GNAS: variants seen among roughly 807,000 people sequenced by gnomAD.
GNAS encodes GNAS complex locus, also known as protein ALEX.
GNAS carries 8 observed loss-of-function variants against 54.5 expected under a neutral mutation model. The observed-to-expected ratio is 0.15, with a 90% confidence interval of 0.09 to 0.26. GNAS has a LOEUF of 0.26. Ranked by LOEUF, GNAS falls within the 10% of genes least tolerant of loss-of-function variation. The pLI, the probability that GNAS is intolerant of heterozygous loss-of-function variation, is 1.00. For missense variants in GNAS, 170 were observed against 529.8 expected, an observed-to-expected ratio of 0.32 and a Z score of 6.67; for synonymous variants, 204 against 191.4, an observed-to-expected ratio of 1.07 and a Z score of -0.54.
At chr20:58,891,949 C>G (rs1228077125) in intron 1 of GNAS, 84 bp downstream of exon 1, 2 of 844,386 alleles carry the variant, frequency 2.4e-6, no homozygotes, top group Non-Finnish European at 2.8e-6. Flanking sequence ...GCCCGCCCCC[C>G]GCCCCGGGCG....
intron 1 of GNAS, among the ~76,000 whole-genome samples, chr20:58,894,297 G>A (rs761178317): frequency 1.1e-4 from 17 of 152,116 alleles, no homozygotes; most frequent in Non-Finnish European, 1.9e-4. Flanking sequence ...TAAATATTAC[G>A]TATTGTTTCC....
rs372108212 is a variant in GNAS at position 58,909,125 on chromosome 20, G to T, written c.531-37G>T. Reference sequence around the variant, plus strand: ...AAATAGTTGGCAAATTGATGTGAGCGCTGTGAACACCCCACGTGTCTTTCT... The same window carrying T: ...AAATAGTTGGCAAATTGATGTGAGCTCTGTGAACACCCCACGTGTCTTTCT... On this transcript the variant is annotated intron_variant, in intron 6 of 12. Transcript: ENST00000371085. This position sits in a 1 kb window ranked among gnomAD's most constrained non-coding sequence, Gnocchi z 7.3. The T allele has an allele frequency of 2.0e-5, 31 of 1,579,876 alleles. No homozygotes were observed. The highest frequency in any genetic ancestry group is 2.6e-5 in the Non-Finnish European group (30 of 1,148,968).
chr20:58,893,073 T>TC (rs2089654101), intron 1 of GNAS, among the ~76,000 whole-genome samples: 1 of 62,340 alleles, frequency 1.6e-5, no homozygotes, highest in African/African-American at 3.7e-5. Flanking sequence ...TTTCTTTTTT[T>TC]TTTTTTTTTT....
chr20:58,853,591 C>T lies in GNAS; in HGVS notation c.43+12705C>T. ...GCAATGCCCTTCGAGGCTGAACAGCCCAGCTTGGGAGGCTTCTGGCCTACA... is the reference window on the plus strand; with the variant it reads ...GCAATGCCCTTCGAGGCTGAACAGCTCAGCTTGGGAGGCTTCTGGCCTACA... On this transcript the variant is annotated intron_variant, in intron 1 of 12. Coordinates refer to the GNAS transcript ENST00000306090. The surrounding 1 kb of genome is among the most constrained non-coding windows in gnomAD (Gnocchi z 4.4). 5 of 1,613,318 alleles carry T rather than the reference C, an allele frequency of 3.1e-6. No homozygotes were observed. The highest frequency in any genetic ancestry group is 4.2e-6 in the Non-Finnish European group (5 of 1,179,876).
chr20:58,889,473 T>A, upstream of GNAS: 1 of 386,394 alleles, frequency 2.6e-6, no homozygotes, highest in Non-Finnish European at 3.5e-6. Context: ...CCGGGGCGCC[T>A]CCGGGCACCC....
intron 2 of GNAS, chr20:58,898,645 T>C (rs139478039): frequency 2.7e-4 from 146 of 542,876 alleles, no homozygotes; most frequent in African/African-American, 2.6e-3. Flanking sequence ...GTACGTTTAG[T>C]GAAAGCACAA....
Position 58,909,709 on chromosome 20 carries a change from G to A in GNAS, c.744G>A (p.Val248=). Residue 248 remains valine, a synonymous_variant, in exon 10 of 13, where the codon GTG becomes GTA. Transcript: ENST00000371085. The surrounding 1 kb of genome is among the most constrained non-coding windows in gnomAD (Gnocchi z 7.3). ...FNDVTAIIFV[V]ASSSYNMVIR... is the part of the protein sequence containing the mutation. ...ATGTGACTGCCATCATCTTCGTGGT[G>A]GCCAGCAGCAGCTACAACATGGTCA... 2 of 1,614,138 alleles carry A rather than the reference G, an allele frequency of 1.2e-6. No individual in the cohort carries two copies. Among genetic ancestry groups the A allele is most frequent in the Non-Finnish European group, 1.7e-6 (2 of 1,179,994 alleles).
intron 1 of GNAS, among the ~76,000 whole-genome samples, chr20:58,878,912 T>TGGGG (rs11086659): frequency 8.4e-5 from 8 of 95,360 alleles, no homozygotes; most frequent in East Asian, 6.1e-4. Flanking sequence ...GGGGTGCGGG[T>TGGGG]GGGGGGGGGA....
chr20:58,896,659 A>G (rs2090090249), intron 2 of GNAS, among the ~76,000 whole-genome samples: 1 of 152,080 alleles, frequency 6.6e-6, no homozygotes, highest in Non-Finnish European at 1.5e-5. Context: ...AAAACAAAAA[A>G]ACTAAGTTGA....
chr20:58,840,209 C>T, upstream of GNAS: 1 of 1,611,230 alleles, frequency 6.2e-7, no homozygotes, highest in Non-Finnish European at 8.5e-7. This position sits in a 1 kb window ranked among gnomAD's most constrained non-coding sequence, Gnocchi z 6.0. Flanking sequence ...GCTCCTCTGG[C>T]TCTCCTGCTC....
At position 58,854,119 on chromosome 20, in the gene GNAS, C is replaced by T. The variant is rs202104005; in HGVS notation, c.43+13233C>T. 4.4e-5 allele frequency: 71 copies of T among 1,612,210 alleles called. No homozygotes were observed. The highest frequency in any genetic ancestry group is 3.3e-4 in the Middle Eastern group (2 of 6,082). Reference sequence around the variant, plus strand: ...GTCCCAGGCGCCATCGGCAGCCCATCCCAAGAGGCTGTCAGACCTCCTTCT... The same window carrying T: ...GTCCCAGGCGCCATCGGCAGCCCATTCCAAGAGGCTGTCAGACCTCCTTCT... On this transcript the variant is annotated intron_variant, in intron 1 of 12. Coordinates refer to the GNAS transcript ENST00000306090.
chr20:58,840,651 C>T (rs369158171), upstream of GNAS: 32 of 1,606,162 alleles, frequency 2.0e-5, no homozygotes, highest in Non-Finnish European at 2.7e-5. The surrounding 1 kb of genome is among the most constrained non-coding windows in gnomAD (Gnocchi z 6.0). Context: ...CCGCCCAGCA[C>T]TCAGGAGCCC....
At position 58,904,988 on chromosome 20, in the gene GNAS, C is replaced by T. The variant is rs79722201; in HGVS notation, c.433-395C>T. ...TTTTCCCAGGAGGAAAATTTAGTCC[C>T]AGCACATCTTACAAATGAAGTTTCT... On this transcript the variant is annotated intron_variant, in intron 5 of 12. Coordinates refer to ENST00000371085, the MANE Select transcript of GNAS (RefSeq NM_000516.7). Among the ~76,000 whole-genome samples the T allele has an allele frequency of 6.9e-3, 1,050 of 152,248 alleles. 15 individuals carry two copies. The highest frequency in any genetic ancestry group is 0.024 in the African/African-American group (1,001 of 41,550).
upstream of GNAS, chr20:58,890,715 G>A (rs2089130208): frequency 1.3e-5 from 2 of 152,250 alleles, no homozygotes; most frequent in East Asian, 2.0e-4. Context: ...CCGGCGCCGG[G>A]GGCGCGAGGA....
upstream of GNAS, chr20:58,840,268 G>C: frequency 1.2e-6 from 2 of 1,611,864 alleles, no homozygotes; most frequent in Non-Finnish European, 1.7e-6. This position sits in a 1 kb window ranked among gnomAD's most constrained non-coding sequence, Gnocchi z 6.0. Context: ...GTGCCCAGCA[G>C]CGCGCGGCTG....
intron 5 of GNAS, among the ~76,000 whole-genome samples, chr20:58,905,079 C>T (rs1017144278): frequency 6.6e-6 from 1 of 152,190 alleles, no homozygotes; most frequent in Non-Finnish European, 1.5e-5. Context: ...TCTTCCTAAA[C>T]AATTCTGTGA....
rs2146284216 is a variant in GNAS, at chr20:58,909,681, A to C, written c.719-3A>C. 1 of 1,614,150 alleles carries C rather than the reference A, an allele frequency of 6.2e-7. No homozygotes were observed. Among genetic ancestry groups the C allele is most frequent in the South Asian group, 1.1e-5 (1 of 91,072 alleles). The stretch of plus-strand genomic sequence containing the variant: ...GCTCTTGGCTTTGCTCTCTTTGGTT[A>C]AGATGTGACTGCCATCATCTTCGTG... On this transcript the variant is annotated splice_region_variant and splice_polypyrimidine_tract_variant and intron_variant, in intron 9 of 12. Coordinates refer to ENST00000371085, the MANE Select transcript of GNAS (RefSeq NM_000516.7). This position sits in a 1 kb window ranked among gnomAD's most constrained non-coding sequence, Gnocchi z 7.3.
chr20:58,841,601 C>T lies in GNAS; in HGVS notation c.43+715C>T, dbSNP rs1257025721. On this transcript the variant is annotated intron_variant, in intron 1 of 12. Coordinates refer to the GNAS transcript ENST00000306090. This position sits in a 1 kb window ranked among gnomAD's most constrained non-coding sequence, Gnocchi z 5.0. Reference sequence around the variant, plus strand: ...GCGGGACAGAGACCGCCTCAAAGAGCGTGCGCACCTGCCCGCGCGCGCCGG... The same window carrying T: ...GCGGGACAGAGACCGCCTCAAAGAGTGTGCGCACCTGCCCGCGCGCGCCGG... 14 of 1,028,062 alleles carry T rather than the reference C, an allele frequency of 1.4e-5. No individual in the cohort carries two copies. The Admixed American group carries it at 8.0e-4, about 59-fold the overall frequency. 63.7% of individuals were successfully genotyped at this position (1,028,062 alleles called of 1,614,324 possible). A position where few individuals can be genotyped will look rare whatever the true frequency, so the allele number is the denominator to read the frequency against.
At chr20:58,904,946 T>C (rs190940931) in intron 5 of GNAS, among the ~76,000 whole-genome samples, 32 of 152,338 alleles carry the variant, frequency 2.1e-4, no homozygotes, top group African/African-American at 6.0e-4. Flanking sequence ...TCATCATTTT[T>C]TTTGGTAAGA....
Sources: allele counts gnomAD v4.1 joint callset (sites outside exome capture counted in the v4.1 genomes callset), GRCh38; gene constraint gnomAD v4.1.1; non-coding constraint Gnocchi (gnomAD v3.1); transcripts MANE v1.5; gene names NCBI Gene and HGNC (gene_info 2026-07-23, HGNC 2026-07-21).